The following OPCML variants were observed in gnomAD, a reference collection of about 807,000 sequenced individuals.
The protein encoded by OPCML is opioid binding protein/cell adhesion molecule like, also known as opioid-binding protein/cell adhesion molecule.
A neutral mutation model predicts 37.8 loss-of-function variants in OPCML; 13 were observed. That is an observed-to-expected ratio of 0.34 (90% CI 0.22 to 0.55). OPCML has a LOEUF of 0.55. Among genes scored for constraint, OPCML ranks in the 20% least tolerant of loss-of-function variants. The pLI is 0.91. For synonymous variants in OPCML, 176 were observed against 168.8 expected, an observed-to-expected ratio of 1.04 and a Z score of -0.33; for missense variants, 341 against 435.6, an observed-to-expected ratio of 0.78 and a Z score of 1.93.
At chr11:133,502,792 A>G (rs1052494683) in intron 1 of OPCML, among the ~76,000 whole-genome samples, 6 of 152,148 alleles carry the variant, frequency 3.9e-5, no homozygotes, top group Non-Finnish European at 7.3e-5. Flanking sequence ...CCTATGTTTA[A>G]ATGTGTGGCC....
chr11:133,502,523 G>C (rs1376611171), intron 1 of OPCML, among the ~76,000 whole-genome samples: 1 of 152,244 alleles, frequency 6.6e-6, no homozygotes, highest in African/African-American at 2.4e-5. Context: ...GGGACGCTCT[G>C]AGTGGGATGT....
intron 1 of OPCML, among the ~76,000 whole-genome samples, chr11:133,367,501 G>A (rs1484553401): frequency 6.6e-6 from 1 of 152,180 alleles, no homozygotes; most frequent in East Asian, 1.9e-4. Context: ...ACTTTCAACA[G>A]CTAGTGTAAA....
intron 1 of OPCML, among the ~76,000 whole-genome samples, chr11:133,406,119 T>C (rs557842168): frequency 1.1e-3 from 165 of 152,210 alleles, no homozygotes; most frequent in African/African-American, 3.7e-3. Context: ...ATAAACATAC[T>C]ATTATTATGA....
intron 4 of OPCML, among the ~76,000 whole-genome samples, chr11:132,445,894 A>G (rs1401104205): frequency 6.6e-6 from 1 of 152,156 alleles, no homozygotes; most frequent in Admixed American, 6.5e-5. Context: ...GTCAGCTTCT[A>G]TGAAAAATAT....
chr11:133,028,242 A>T (rs1031064546), intron 1 of OPCML, among the ~76,000 whole-genome samples: 3 of 151,138 alleles, frequency 2.0e-5, no homozygotes, highest in Non-Finnish European at 3.0e-5. Context: ...CACATGTCTT[A>T]AAAAAAAATA....
chr11:133,072,650 C>T (rs765632246), intron 1 of OPCML, among the ~76,000 whole-genome samples: 44 of 152,186 alleles, frequency 2.9e-4, no homozygotes, highest in Admixed American at 8.5e-4. Context: ...AAGGAGAGTG[C>T]GCTACGTATT....
At chr11:133,468,851 T>C (rs1284765530) in intron 1 of OPCML, among the ~76,000 whole-genome samples, 2 of 152,174 alleles carry the variant, frequency 1.3e-5, no homozygotes, top group Non-Finnish European at 2.9e-5. Flanking sequence ...TATAATATGT[T>C]CAGCAGCTCT....
At chr11:133,219,481 T>C (rs554545783) in intron 1 of OPCML, among the ~76,000 whole-genome samples, 4 of 152,212 alleles carry the variant, frequency 2.6e-5, no homozygotes, top group Non-Finnish European at 5.9e-5. Flanking sequence ...TAACCACCTG[T>C]GGCAAGTGGC....
At chr11:132,980,257 AGATCCTTCTTG>A (rs1946554572) in intron 1 of OPCML, among the ~76,000 whole-genome samples, 1 of 152,200 alleles carries the variant, frequency 6.6e-6, no homozygotes, top group Non-Finnish European at 1.5e-5. Context: ...AGCCAGAGAG[AGATCCTTCTTG>A]GATAATAAGT....
At chr11:132,560,529 C>A (rs1385092400) in intron 3 of OPCML, among the ~76,000 whole-genome samples, 1 of 152,084 alleles carries the variant, frequency 6.6e-6, no homozygotes, top group Non-Finnish European at 1.5e-5. Context: ...CCCACAAGTC[C>A]CCAAAGTCCA....
In OPCML at chr11:133,140,240, G is replaced by A. The variant is rs868157087; in HGVS notation, c.62-197230C>T. On this transcript the variant is annotated intron_variant, in intron 1 of 7. Coordinates refer to ENST00000524381, the MANE Select transcript of OPCML (RefSeq NM_001012393.5). ...ATAATAATACTGATAGGCTGGACGC[G>A]GTGGCTTACGCCTGTAATCCCAGCA... Among the ~76,000 whole-genome samples the A allele has an allele frequency of 9.5e-5, 14 of 146,746 alleles. No individual in the cohort carries two copies. In the South Asian group the frequency reaches 2.6e-3, roughly 27 times the overall value.
chr11:133,505,945 G>A (rs79019447), intron 1 of OPCML, among the ~76,000 whole-genome samples: 4,473 of 152,166 alleles, frequency 0.029, 202 homozygotes, highest in African/African-American at 0.1. Context: ...TTAGAAGTTC[G>A]CACCATTTTC....
chr11:133,271,910 T>C (rs964026841), intron 1 of OPCML, among the ~76,000 whole-genome samples: 3 of 152,196 alleles, frequency 2.0e-5, no homozygotes, highest in African/African-American at 4.8e-5. Flanking sequence ...TAATCACATA[T>C]AGTCCCTGCA....
intron 3 of OPCML, among the ~76,000 whole-genome samples, chr11:132,590,414 A>T (rs1008436533): frequency 2.0e-5 from 3 of 152,176 alleles, no homozygotes; most frequent in Non-Finnish European, 4.4e-5. Context: ...AAGAAAATGG[A>T]TGTCTGAAGC....
At chr11:132,802,766 A>C (rs958857095) in intron 2 of OPCML, among the ~76,000 whole-genome samples, 1 of 152,156 alleles carries the variant, frequency 6.6e-6, no homozygotes, top group Non-Finnish European at 1.5e-5. Context: ...AATTTTCTCC[A>C]GTTTCCAGGG....
chr11:132,668,300 T>C (rs1349298828), intron 2 of OPCML, among the ~76,000 whole-genome samples: 2 of 152,228 alleles, frequency 1.3e-5, no homozygotes, highest in African/African-American at 4.8e-5. Flanking sequence ...TTGCGAAATG[T>C]ATAAATCGAG....
At chr11:133,311,596 A>C (rs1367601782) in intron 1 of OPCML, among the ~76,000 whole-genome samples, 1 of 151,484 alleles carries the variant, frequency 6.6e-6, no homozygotes, top group Admixed American at 6.6e-5. Flanking sequence ...GTTCTAAAAA[A>C]TGTATGATTC....
rs1663756463 is a variant in OPCML at position 132,418,759 on chromosome 11, A to C, written c.*1434T>G. On this transcript the variant is annotated 3_prime_UTR_variant, in exon 8 of 8. Coordinates refer to ENST00000524381, the MANE Select transcript of OPCML (RefSeq NM_001012393.5). Reference sequence around the variant, plus strand: ...GGGTGGACTCTTCACTTTGCATTGCAGAGACAGATGTGTTTTTCTCTCAAG... The same window carrying C: ...GGGTGGACTCTTCACTTTGCATTGCCGAGACAGATGTGTTTTTCTCTCAAG... 6.6e-6 allele frequency: 1 copy of C among 152,452 alleles called. No homozygotes were observed. The allele number at this position is 152,452 out of a possible 1,614,324, so 9.4% of individuals were successfully genotyped here. A position where few individuals can be genotyped will look rare whatever the true frequency, so the allele number is the denominator to read the frequency against.
chr11:132,537,443 T>G (rs2096343814), intron 3 of OPCML, among the ~76,000 whole-genome samples: 1 of 152,038 alleles, frequency 6.6e-6, no homozygotes, highest in African/African-American at 2.4e-5. Context: ...CTCAAAACAT[T>G]AATAGATCAA....
Sources: allele counts gnomAD v4.1 joint callset (sites outside exome capture counted in the v4.1 genomes callset), GRCh38; gene constraint gnomAD v4.1.1; transcripts MANE v1.5; gene names NCBI Gene and HGNC (gene_info 2026-07-23, HGNC 2026-07-21).